FGF11: variants seen among roughly 807,000 people sequenced by gnomAD.
The protein encoded by FGF11 is fibroblast growth factor 11, also known as fibroblast growth factor homologous factor 3.
A neutral mutation model predicts 25.1 loss-of-function variants in FGF11; 25 were observed. The ratio of observed to expected loss-of-function variants is 1.00; its 90% confidence interval spans 0.73 to 1.39. The LOEUF is 1.39. Ranked by LOEUF, FGF11 falls within the 40% of genes most tolerant of loss-of-function variation. The pLI, the probability that FGF11 is intolerant of heterozygous loss-of-function variation, is 0.00. For missense variants in FGF11, 320 were observed against 311.0 expected (o/e 1.03, Z -0.22); for synonymous variants, 130 against 128.9 (o/e 1.01, Z -0.06).
At chr17:7,439,358 C>G (rs1055096772), upstream of FGF11, 6 of 376,914 alleles carry the variant, frequency 1.6e-5, no homozygotes, top group Admixed American at 1.8e-4. Context: ...CAATAGGAGG[C>G]AAAACTCGAG....
rs781108074 is a variant in FGF11 at position 7,439,619 on chromosome 17, C to G, written c.-2C>G. 9.1e-6 allele frequency: 13 copies of G among 1,429,862 alleles called. No homozygotes were observed. The highest frequency in any genetic ancestry group is 1.1e-5 in the Non-Finnish European group (12 of 1,100,736). The allele number at this position is 1,429,862 out of a possible 1,614,324, so 88.6% of individuals were successfully genotyped here. ...TTTGGGGGTGTCTCCTCCCGGGGCG[C>G]TATGGCGGCGCTGGCCAGTAGCCTG... is the stretch of plus-strand genomic sequence containing the variant. On this transcript the variant is annotated 5_prime_UTR_variant, in exon 1 of 5. Transcript: ENST00000293829.
chr17:7,442,375 A>T, intron 3 of FGF11: 3 of 1,346,596 alleles, frequency 2.2e-6, no homozygotes, highest in Non-Finnish European at 2.9e-6. Flanking sequence ...AAGTGTTGGG[A>T]TTATAGGCAT....
At position 7,442,891 on chromosome 17, in the gene FGF11, AC is replaced by A. The variant is rs938036874; in HGVS notation, c.607+102del. The A allele has an allele frequency of 3.7e-6, 5 of 1,334,228 alleles. No homozygotes were observed. The African/African-American group carries it at 4.3e-5, about 12-fold the overall frequency. 82.6% of individuals were successfully genotyped at this position (1,334,228 alleles called of 1,614,324 possible). A position where few individuals can be genotyped will look rare whatever the true frequency, so the allele number is the denominator to read the frequency against. ...AGCTCAGGCTACAAGTGATAAGAGG[AC>A]CCTTTGTGACAGATCAAGCCAGGAA... On this transcript the variant is annotated intron_variant, in intron 4 of 4. Coordinates refer to ENST00000293829, the MANE Select transcript of FGF11 (RefSeq NM_004112.4).
Position 7,443,417 on chromosome 17 carries a change from A to C in FGF11, c.*271A>C. 2.4e-6 allele frequency: 1 copy of C among 412,618 alleles called. No individual in the cohort carries two copies. 25.6% of individuals were successfully genotyped at this position (412,618 alleles called of 1,614,324 possible). A position where few individuals can be genotyped will look rare whatever the true frequency, so the allele number is the denominator to read the frequency against. ...CACTTCTTTCTTTCCACACTCACAC[A>C]ACGCCATGCCTTTTCCTGAGATGGC... On this transcript the variant is annotated 3_prime_UTR_variant, in exon 5 of 5. Coordinates refer to ENST00000293829, the MANE Select transcript of FGF11 (RefSeq NM_004112.4).
chr17:7,441,276 CAG>C (rs1908309680), intron 1 of FGF11, 193 bp from the exon 2 acceptor site: 2 of 661,138 alleles, frequency 3.0e-6, no homozygotes, highest in South Asian at 4.0e-5. Flanking sequence ...TTATAGGAAA[CAG>C]AAGGGACCCA....
Position 7,441,456 on chromosome 17 carries a change from T to C in FGF11, c.194-15T>C, listed in dbSNP as rs763938425. The C allele has an allele frequency of 1.2e-5, 19 of 1,613,968 alleles. No individual in the cohort carries two copies. The South Asian group carries it at 2.1e-4, about 18-fold the overall frequency. On this transcript the variant is annotated splice_polypyrimidine_tract_variant and intron_variant, in intron 1 of 4. Coordinates refer to ENST00000293829, the MANE Select transcript of FGF11 (RefSeq NM_004112.4). ...CGGAGATGTCATTTTCAAAGATGAA[T>C]GTCTCTCTCTCCAGAGCCTCAGCTC...
rs1438247238 is a variant in FGF11 at position 7,439,512 on chromosome 17, G to C, written c.-109G>C. On this transcript the variant is annotated 5_prime_UTR_variant, in exon 1 of 5. Transcript: ENST00000293829. Reference sequence around the variant, plus strand: ...CCTCAGGTCCTGTGGGTGGGGCAGCGAGTCGGGGCCTGAGCGTCAAGAGCA... The same window carrying C: ...CCTCAGGTCCTGTGGGTGGGGCAGCCAGTCGGGGCCTGAGCGTCAAGAGCA... The C allele has an allele frequency of 1.1e-6, 1 of 884,870 alleles. No individual in the cohort carries two copies. Among genetic ancestry groups the C allele is most frequent in the Admixed American group, 4.0e-5 (1 of 25,092 alleles). The allele number at this position is 884,870 out of a possible 1,614,324, so 54.8% of individuals were successfully genotyped here.
At chr17:7,442,851 C>T (rs1908398117) in intron 4 of FGF11, 59 bp downstream of exon 4, 5 of 1,513,092 alleles carry the variant, frequency 3.3e-6, no homozygotes, top group Non-Finnish European at 4.6e-6. Context: ...TTGATATGGA[C>T]ATTTAGGGGC....
rs1000730306 is a variant in FGF11, at chr17:7,439,600, G to A, written c.-21G>A. 6 of 1,400,956 alleles carry A rather than the reference G, an allele frequency of 4.3e-6. No individual in the cohort carries two copies. The highest frequency in any genetic ancestry group is 5.5e-6 in the Non-Finnish European group (6 of 1,086,438). 86.8% of individuals were successfully genotyped at this position (1,400,956 alleles called of 1,614,324 possible). A position where few individuals can be genotyped will look rare whatever the true frequency, so the allele number is the denominator to read the frequency against. On this transcript the variant is annotated 5_prime_UTR_variant, in exon 1 of 5. Transcript: ENST00000293829. ...CGCTCCGGGCGCCTGCCGGTTTGGG[G>A]GTGTCTCCTCCCGGGGCGCTATGGC...
Position 7,444,744 on chromosome 17 carries a change from C to G in FGF11, c.*1598C>G, listed in dbSNP as rs372618601. On this transcript the variant is annotated 3_prime_UTR_variant, in exon 5 of 5. Coordinates refer to ENST00000293829, the MANE Select transcript of FGF11 (RefSeq NM_004112.4). The stretch of plus-strand genomic sequence containing the variant: ...TTGGATAGGGTAGGCTGAGGGGGCC[C>G]TAAGGGAGGGACTAAGGCTCCAAGG... The G allele has an allele frequency of 1.9e-5, 6 of 314,030 alleles. No homozygotes were observed. Among genetic ancestry groups the G allele is most frequent in the Admixed American group, 1.4e-4 (3 of 21,248 alleles). 19.5% of individuals were successfully genotyped at this position (314,030 alleles called of 1,614,324 possible). A position where few individuals can be genotyped will look rare whatever the true frequency, so the allele number is the denominator to read the frequency against.
chr17:7,442,270 T>C, intron 3 of FGF11: 2 of 288,950 alleles, frequency 6.9e-6, no homozygotes, highest in Non-Finnish European at 1.2e-5. Context: ...GTCTAGTTCT[T>C]TTTTTTTTTT....
chr17:7,438,904 A>C (rs1474044148), upstream of FGF11: 1 of 152,246 alleles, frequency 6.6e-6, no homozygotes, highest in Admixed American at 6.5e-5. Flanking sequence ...GTGAAGGTGA[A>C]GAAAGGGTCT....
At position 7,440,011 on chromosome 17, in the gene FGF11, C is replaced by A. The variant is rs1908240542; in HGVS notation, c.193+198C>A. The A allele has an allele frequency of 2.3e-6, 1 of 441,590 alleles. No homozygotes were observed. 27.4% of individuals were successfully genotyped at this position (441,590 alleles called of 1,614,324 possible). On this transcript the variant is annotated intron_variant, in intron 1 of 4. Transcript: ENST00000293829. This position sits in a 1 kb window ranked among gnomAD's most constrained non-coding sequence, Gnocchi z 5.4. ...CCATAACCCGGAGTCTCCTTATTTT[C>A]GAGGTCAAGGGGAAGGCTTGAGGGG...
At chr17:7,439,840 C>T (rs1358582917) in intron 1 of FGF11, 27 bp downstream of exon 1, 4 of 1,397,320 alleles carry the variant, frequency 2.9e-6, no homozygotes, top group African/African-American at 1.5e-5. Context: ...CGGGGTCTCC[C>T]GGCCAGAGGT....
chr17:7,442,894 C>T (rs192380154), intron 4 of FGF11, 102 bp downstream of exon 4: 1 of 1,333,268 alleles, frequency 7.5e-7, no homozygotes, highest in Non-Finnish European at 1.1e-6. Flanking sequence ...TAAGAGGACC[C>T]TTTGTGACAG....
At position 7,440,978 on chromosome 17, in the gene FGF11, C is replaced by G. The variant is rs1337627115; in HGVS notation, c.194-493C>G. On this transcript the variant is annotated intron_variant, in intron 1 of 4. Coordinates refer to ENST00000293829, the MANE Select transcript of FGF11 (RefSeq NM_004112.4). The surrounding 1 kb of genome is among the most constrained non-coding windows in gnomAD (Gnocchi z 5.4). The stretch of plus-strand genomic sequence containing the variant: ...CGGCGCTGGGCCAAGGCAAGGCTCT[C>G]GCCAAGCTAGCGGCAGCCGCAGCAG... The G allele has an allele frequency of 1.0e-6, 1 of 1,004,572 alleles. No homozygotes were observed. Among genetic ancestry groups the G allele is most frequent in the Non-Finnish European group, 1.2e-6 (1 of 839,528 alleles). The allele number at this position is 1,004,572 out of a possible 1,614,324, so 62.2% of individuals were successfully genotyped here. A position where few individuals can be genotyped will look rare whatever the true frequency, so the allele number is the denominator to read the frequency against.
intron 2 of FGF11, 59 bp from the exon 3 acceptor site, chr17:7,441,717 G>C: frequency 1.0e-5 from 16 of 1,558,658 alleles, no homozygotes; most frequent in Non-Finnish European, 1.3e-5. Context: ...GCTGGGATGA[G>C]GGGAGCTCAG....
chr17:7,443,458 A>C lies in FGF11; in HGVS notation c.*312A>C. ...CTGAGATGGCGCTGGGAGTTCCCAC[A>C]TGGACAGCCAGGGCATAAACACTTC... On this transcript the variant is annotated 3_prime_UTR_variant, in exon 5 of 5. Coordinates refer to ENST00000293829, the MANE Select transcript of FGF11 (RefSeq NM_004112.4). 6 of 300,060 alleles carry C rather than the reference A, an allele frequency of 2.0e-5. No homozygotes were observed. The highest frequency in any genetic ancestry group is 1.9e-5 in the Non-Finnish European group (3 of 160,968). The allele number at this position is 300,060 out of a possible 1,614,324, so 18.6% of individuals were successfully genotyped here. A position where few individuals can be genotyped will look rare whatever the true frequency, so the allele number is the denominator to read the frequency against.
At position 7,440,723 on chromosome 17, in the gene FGF11, G is replaced by C; in HGVS notation, c.194-748G>C. The C allele has an allele frequency of 3.2e-5, 32 of 986,256 alleles. No individual in the cohort carries two copies. The highest frequency in any genetic ancestry group is 3.6e-5 in the Non-Finnish European group (30 of 830,686). The allele number at this position is 986,256 out of a possible 1,614,324, so 61.1% of individuals were successfully genotyped here. ...CCCGCGCCACCGGCTGCCCATAGTG[G>C]TACAATCCGCAGCCCACCCTCTGAG... On this transcript the variant is annotated intron_variant, in intron 1 of 4. Coordinates refer to ENST00000293829, the MANE Select transcript of FGF11 (RefSeq NM_004112.4). This position sits in a 1 kb window ranked among gnomAD's most constrained non-coding sequence, Gnocchi z 5.4.
Sources: allele counts gnomAD v4.1 joint callset, GRCh38; gene constraint gnomAD v4.1.1; non-coding constraint Gnocchi (gnomAD v3.1); transcripts MANE v1.5; gene names NCBI Gene and HGNC (gene_info 2026-07-23, HGNC 2026-07-21).